DOCK2: variants seen among roughly 807,000 people sequenced by gnomAD.
DOCK2 encodes the protein dedicator of cytokinesis protein 2.
In DOCK2, 87 loss-of-function variants were observed where a neutral mutation model predicts 248.9. The ratio of observed to expected loss-of-function variants is 0.35; its 90% CI spans 0.29 to 0.42. The LOEUF is 0.42. DOCK2 is among the 10% of genes least tolerant of loss of function. The pLI is 1.00. For missense variants in DOCK2, 1,747 were observed against 2,300.2 expected, an observed-to-expected ratio of 0.76 and a Z score of 4.92; for synonymous variants, 805 against 821.6, an observed-to-expected ratio of 0.98 and a Z score of 0.35.
At chr5:169,801,407 C>T (rs953069266) in intron 25 of DOCK2, among the ~76,000 whole-genome samples, 9 of 152,098 alleles carry the variant, frequency 5.9e-5, no homozygotes, top group African/African-American at 2.2e-4. Flanking sequence ...GTTTCCTCAT[C>T]AGCAAAACGG....
intron 27 of DOCK2, chr5:169,883,192 A>G (rs1772766994): frequency 6.4e-7 from 1 of 1,551,454 alleles, no homozygotes; most frequent in Non-Finnish European, 8.7e-7. Context: ...TGTGTCATCC[A>G]AAGGGTGTAT....
Position 170,056,471 on chromosome 5 carries a change from C to A in DOCK2, c.4296-213C>A, listed in dbSNP as rs1411569011. The A allele has an allele frequency of 1.4e-5, 7 of 511,738 alleles. No homozygotes were observed. In the East Asian group the frequency reaches 2.2e-4, roughly 16 times the overall value. 31.7% of individuals were successfully genotyped at this position (511,738 alleles called of 1,614,324 possible). On this transcript the variant is annotated intron_variant, in intron 42 of 51. Transcript: ENST00000520908. Reference sequence around the variant, plus strand: ...CTATGTTCTCAAAGGGGCACAAGACCAGTCTACCTTCTAAATTGCCTTGTC... The same window carrying A: ...CTATGTTCTCAAAGGGGCACAAGACAAGTCTACCTTCTAAATTGCCTTGTC...
At chr5:169,701,808 T>C (rs1760986130) in intron 13 of DOCK2, among the ~76,000 whole-genome samples, 2 of 152,174 alleles carry the variant, frequency 1.3e-5, no homozygotes. Context: ...ATGAGCTACC[T>C]GTGTCTGGCA....
chr5:169,711,955 C>T lies in DOCK2; in HGVS notation c.1503C>T (p.Asp501=), dbSNP rs1358330265. ...ETVKVAVPIE[D]MQRIHLRFMF... is the part of the protein sequence containing the mutation. ...CTGAGGTGGCTGTCCCTATTGAAGA[C>T]ATGCAGAGGATCCATCTGCGATTCA... Residue 501 remains aspartate, a synonymous_variant, in exon 16 of 52, where the codon GAC becomes GAT. Transcript: ENST00000520908. 1.2e-6 allele frequency: 2 copies of T among 1,613,928 alleles called. No individual in the cohort carries two copies. Among genetic ancestry groups the T allele is most frequent in the Non-Finnish European group, 1.7e-6 (2 of 1,179,970 alleles).
intron 32 of DOCK2, among the ~76,000 whole-genome samples, chr5:170,013,257 C>A (rs564189695): frequency 6.6e-6 from 1 of 151,994 alleles, no homozygotes; most frequent in Non-Finnish European, 1.5e-5. Flanking sequence ...TGTGGCCATC[C>A]GTCCATTCAT....
intron 27 of DOCK2, among the ~76,000 whole-genome samples, chr5:169,857,849 A>G (rs1770982453): frequency 6.6e-6 from 1 of 152,210 alleles, no homozygotes; most frequent in African/African-American, 2.4e-5. Context: ...CTATGAAATA[A>G]CTTGAATGCA....
intron 27 of DOCK2, among the ~76,000 whole-genome samples, chr5:169,885,561 C>A (rs1433038563): frequency 6.6e-6 from 1 of 152,192 alleles, no homozygotes; most frequent in African/African-American, 2.4e-5. Flanking sequence ...TGTGCATGAA[C>A]TTCTCTGAGG....
chr5:169,806,704 C>T (rs1271873659), intron 26 of DOCK2, among the ~76,000 whole-genome samples: 1 of 152,168 alleles, frequency 6.6e-6, no homozygotes, highest in Non-Finnish European at 1.5e-5. Context: ...GGTGTCTTCC[C>T]TTTAACCTTT....
intron 25 of DOCK2, among the ~76,000 whole-genome samples, chr5:169,779,718 T>C (rs1312669449): frequency 1.3e-5 from 2 of 150,986 alleles, no homozygotes; most frequent in South Asian, 2.1e-4. Flanking sequence ...CATCATCCCA[T>C]GCAGCCCCTT....
intron 32 of DOCK2, among the ~76,000 whole-genome samples, chr5:170,015,320 A>G (rs144635618): frequency 3.3e-5 from 5 of 152,320 alleles, no homozygotes; most frequent in South Asian, 2.1e-4. Flanking sequence ...CAGGGAAGGT[A>G]AATGACAAGC....
chr5:169,801,664 G>A (rs764946154), intron 25 of DOCK2, among the ~76,000 whole-genome samples: 55 of 152,132 alleles, frequency 3.6e-4, no homozygotes, highest in Non-Finnish European at 1.5e-4. Context: ...CAGGATTATA[G>A]CCCATGACAG....
intron 29 of DOCK2, among the ~76,000 whole-genome samples, chr5:169,991,601 C>G (rs759408947): frequency 1.3e-5 from 2 of 152,242 alleles, no homozygotes; most frequent in Non-Finnish European, 2.9e-5. Context: ...CCAGCCCATA[C>G]AAGACTGCTT....
chr5:169,851,784 G>T (rs148896318), intron 27 of DOCK2, among the ~76,000 whole-genome samples: 2 of 152,104 alleles, frequency 1.3e-5, no homozygotes, highest in African/African-American at 4.8e-5. Context: ...AGAGAGAGAA[G>T]GGGGAAGAGC....
intron 7 of DOCK2, among the ~76,000 whole-genome samples, 160 bp downstream of exon 7, chr5:169,682,039 A>G (rs73316252): frequency 1.5e-4 from 23 of 152,344 alleles, no homozygotes; most frequent in African/African-American, 5.5e-4. Context: ...GTGGTTTCGT[A>G]CTCAAATCTG....
intron 27 of DOCK2, among the ~76,000 whole-genome samples, chr5:169,877,527 G>T (rs116087720): frequency 5.3e-4 from 81 of 152,300 alleles, no homozygotes; most frequent in African/African-American, 1.9e-3. Context: ...TTGGTCAATG[G>T]TGTTGAACAA....
intron 1 of DOCK2, among the ~76,000 whole-genome samples, chr5:169,643,806 C>A (rs1228845040): frequency 6.6e-6 from 1 of 152,148 alleles, no homozygotes; most frequent in East Asian, 1.9e-4. Flanking sequence ...ACTGTCACGG[C>A]ACAGGGTCTG....
chr5:170,081,893 C>T lies in DOCK2; in HGVS notation c.5339C>T (p.Ser1780Phe), dbSNP rs1220603647. The change falls in exon 51 of 52, where the codon TCT becomes TTT. Residue 1780 changes from serine to phenylalanine, a missense_variant. Around this residue, in one of 4 missense-constraint regions of DOCK2, gnomAD observed 513 missense variants for 586.1 expected, o/e 0.88. Coordinates refer to ENST00000520908, the MANE Select transcript of DOCK2 (RefSeq NM_004946.3). Reference sequence around the variant, plus strand: ...CCTGGGTTGGATGAGGCCAACACATCTCCCCGCCTCAGCCAGACCTTCCTC... The same window carrying T: ...CCTGGGTTGGATGAGGCCAACACATTTCCCCGCCTCAGCCAGACCTTCCTC... ...GIPGLDEANTSPRLSQTFLQL... is the reference protein window; with the variant it reads ...GIPGLDEANTFPRLSQTFLQL... 1.2e-6 allele frequency: 2 copies of T among 1,613,890 alleles called. No individual in the cohort carries two copies. The highest frequency in any genetic ancestry group is 2.7e-5 in the African/African-American group (2 of 74,882).
At chr5:170,065,558 G>C (rs1158516415) in intron 44 of DOCK2, among the ~76,000 whole-genome samples, 1 of 152,200 alleles carries the variant, frequency 6.6e-6, no homozygotes, top group Non-Finnish European at 1.5e-5. Context: ...ACTTACAAAA[G>C]AAAGACGTTT....
intron 26 of DOCK2, among the ~76,000 whole-genome samples, chr5:169,835,038 CT>C (rs1192074667): frequency 6.6e-6 from 1 of 150,724 alleles, no homozygotes; most frequent in Admixed American, 6.6e-5. Flanking sequence ...TTCCAAATTG[CT>C]TTTTTTTTGG....
Sources: allele counts gnomAD v4.1 joint callset (sites outside exome capture counted in the v4.1 genomes callset), GRCh38; gene constraint gnomAD v4.1.1; regional missense constraint gnomAD v4.1.1; transcripts MANE v1.5; gene names NCBI Gene and HGNC (gene_info 2026-07-23, HGNC 2026-07-21).